The following AOPEP variants were observed in gnomAD, a reference collection of about 807,000 sequenced individuals.
The protein encoded by AOPEP is aminopeptidase O (putative).
In AOPEP, 77 loss-of-function variants were observed where a neutral mutation model predicts 98.1. That is an observed-to-expected ratio of 0.78 (90% CI 0.65 to 0.95). The LOEUF (loss-of-function observed/expected upper bound fraction) is 0.95. AOPEP is among the 40% of genes least tolerant of loss of function. The pLI is 0.00. For missense variants in AOPEP, 1,024 were observed against 1,024.7 expected, an observed-to-expected ratio of 1.00 and a Z score of 0.01; for synonymous variants, 346 against 365.3, an observed-to-expected ratio of 0.95 and a Z score of 0.60.
the AOPEP span, among the ~76,000 whole-genome samples, chr9:95,106,714 C>T: frequency 2.0e-5 from 3 of 152,210 alleles, no homozygotes; most frequent in Non-Finnish European, 1.5e-5. Flanking sequence ...CCATTCTCAT[C>T]GTGGCCTTAC....
chr9:95,090,741 G>A (rs118150117), downstream of AOPEP, among the ~76,000 whole-genome samples: 480 of 152,280 alleles, frequency 3.2e-3, no homozygotes, highest in South Asian at 5.4e-3. Flanking sequence ...GCTGGACAAA[G>A]GCAAAAAGTG....
intron 1 of AOPEP, among the ~76,000 whole-genome samples, chr9:94,731,790 C>CTTTTTTT (rs564831468): frequency 7.0e-4 from 60 of 86,250 alleles, no homozygotes; most frequent in African/African-American, 8.3e-4. Flanking sequence ...TCTCTTTTGC[C>CTTTTTTT]TTTTTTTTTT....
At chr9:94,929,334 G>C (rs922254710) in intron 7 of AOPEP, among the ~76,000 whole-genome samples, 4 of 152,214 alleles carry the variant, frequency 2.6e-5, no homozygotes, top group Non-Finnish European at 4.4e-5. Context: ...CCCAGGCAGA[G>C]GCCTGCCTTG....
chr9:94,915,178 C>A (rs955534368), intron 5 of AOPEP, among the ~76,000 whole-genome samples: 3 of 152,188 alleles, frequency 2.0e-5, no homozygotes, highest in African/African-American at 7.2e-5. Context: ...ATAATAATTT[C>A]TTCCTCATGG....
intron 13 of AOPEP, among the ~76,000 whole-genome samples, chr9:95,022,472 G>C (rs779179429): frequency 8.5e-5 from 13 of 152,148 alleles, no homozygotes; most frequent in Non-Finnish European, 1.8e-4. Context: ...TGGGTAGCTG[G>C]GACTACGGGT....
rs531051111 is a variant in AOPEP, at chr9:94,771,492, C to G, written c.798-1510C>G. Among the ~76,000 whole-genome samples the G allele has an allele frequency of 3.3e-5, 5 of 152,298 alleles. No homozygotes were observed. In the South Asian group the frequency reaches 8.3e-4, roughly 25 times the overall value. ...TACTTGTAGGATAAGCGTACAGCAA[C>G]TGCCTGTTTGCGCTGAGATCCATTT... is the stretch of plus-strand genomic sequence containing the variant. On this transcript the variant is annotated intron_variant, in intron 2 of 16. Transcript: ENST00000375315.
At position 94,848,227 on chromosome 9, in the gene AOPEP, C is replaced by T. The variant is rs60019551; in HGVS notation, c.1364+47225C>T. On this transcript the variant is annotated intron_variant, in intron 5 of 16. Coordinates refer to ENST00000375315, the MANE Select transcript of AOPEP (RefSeq NM_001193329.3). ...CAGCACTTTGGGAGGCCAAGGCGGG[C>T]GGGTCACAAGGTCAGGAGGTCGAGA... is the stretch of plus-strand genomic sequence containing the variant. Among the ~76,000 whole-genome samples, 520 of 152,046 alleles carry T rather than the reference C, an allele frequency of 3.4e-3. 4 individuals carry two copies. The highest frequency in any genetic ancestry group is 0.012 in the African/African-American group (489 of 41,436).
chr9:95,125,618 T>C, the AOPEP span, among the ~76,000 whole-genome samples: 3 of 152,334 alleles, frequency 2.0e-5, no homozygotes, highest in African/African-American at 4.8e-5. Flanking sequence ...CATGCATTAT[T>C]GTACAATTAA....
chr9:94,982,560 C>A (rs2060253107), intron 11 of AOPEP, among the ~76,000 whole-genome samples: 1 of 142,670 alleles, frequency 7.0e-6, no homozygotes, highest in Non-Finnish European at 1.5e-5. Context: ...AATTCAAGAG[C>A]AATACTTTTT....
At chr9:95,008,972 A>G (rs1408871372) in intron 13 of AOPEP, among the ~76,000 whole-genome samples, 1 of 152,046 alleles carries the variant, frequency 6.6e-6, no homozygotes, top group Non-Finnish European at 1.5e-5. Flanking sequence ...TTTTTCTTCT[A>G]TTCTGATACT....
At chr9:94,990,734 T>C (rs1222492379) in intron 11 of AOPEP, among the ~76,000 whole-genome samples, 1 of 151,946 alleles carries the variant, frequency 6.6e-6, no homozygotes, top group Non-Finnish European at 1.5e-5. Context: ...TTCAAGCCAT[T>C]CTCCTGCCTC....
downstream of AOPEP, among the ~76,000 whole-genome samples, chr9:95,092,081 T>TGC (rs1554825924): frequency 2.6e-4 from 37 of 140,612 alleles, 1 homozygote; most frequent in South Asian, 1.9e-3. Context: ...TGTGTGTGTG[T>TGC]GCACACACAC....
At chr9:95,017,513 C>A (rs2063109168) in intron 13 of AOPEP, among the ~76,000 whole-genome samples, 1 of 152,204 alleles carries the variant, frequency 6.6e-6, no homozygotes, top group African/African-American at 2.4e-5. Context: ...CCATCGTTGA[C>A]TGAAATGTCG....
intron 3 of AOPEP, among the ~76,000 whole-genome samples, chr9:94,779,329 C>T (rs532590483): frequency 6.6e-6 from 1 of 152,328 alleles, no homozygotes; most frequent in Admixed American, 6.5e-5. Context: ...ACTCCACCTC[C>T]CAAGATGCCA....
intron 3 of AOPEP, among the ~76,000 whole-genome samples, chr9:94,775,476 T>A (rs1238202169): frequency 6.6e-6 from 1 of 152,000 alleles, no homozygotes; most frequent in African/African-American, 2.4e-5. Context: ...TTCAGGCGAT[T>A]CTGTCTCGGC....
At chr9:95,126,059 G>A in the AOPEP span, among the ~76,000 whole-genome samples, 1 of 152,212 alleles carries the variant, frequency 6.6e-6, no homozygotes, top group Non-Finnish European at 1.5e-5. Context: ...AAATAAAAAT[G>A]TAATGTGTTG....
chr9:94,986,341 A>G (rs1033016300), intron 11 of AOPEP, among the ~76,000 whole-genome samples: 1 of 152,250 alleles, frequency 6.6e-6, no homozygotes, highest in Admixed American at 6.5e-5. Flanking sequence ...CGTAACTCCA[A>G]TAATACAGTT....
In AOPEP at chr9:95,026,406, G is replaced by T. The variant is rs77702047; in HGVS notation, c.2115+20790G>T. 7.9e-5 allele frequency among the ~76,000 whole-genome samples: 12 copies of T among 152,278 alleles called. No individual in the cohort carries two copies. In the East Asian group the frequency reaches 2.3e-3, roughly 29 times the overall value. Reference sequence around the variant, plus strand: ...TGTAAATCTACTTCTTGTTTCTGTAGATTTGCAGTTTCTGGACATTTCATA... The same window carrying T: ...TGTAAATCTACTTCTTGTTTCTGTATATTTGCAGTTTCTGGACATTTCATA... On this transcript the variant is annotated intron_variant, in intron 13 of 16. Coordinates refer to ENST00000375315, the MANE Select transcript of AOPEP (RefSeq NM_001193329.3).
At chr9:94,881,225 TTGG>T (rs1382581885) in intron 5 of AOPEP, among the ~76,000 whole-genome samples, 1 of 149,334 alleles carries the variant, frequency 6.7e-6, no homozygotes, top group African/African-American at 2.5e-5. Context: ...TTGTAGCAAC[TTGG>T]TGGCTGCTGC....
Sources: gnomAD v4.1 joint callset for allele counts (sites outside exome capture counted in the v4.1 genomes callset) on GRCh38, gnomAD v4.1.1 for gene constraint, MANE v1.5 for transcripts, NCBI Gene and HGNC (gene_info 2026-07-23, HGNC 2026-07-21) for gene names.